The following CNTN5 variants were observed in gnomAD, a reference collection of about 807,000 sequenced individuals.
CNTN5 encodes contactin-5.
A neutral mutation model predicts 129.1 loss-of-function variants in CNTN5; 77 were observed. The ratio of observed to expected loss-of-function variants is 0.60; its 90% CI spans 0.50 to 0.72. CNTN5 has a LOEUF of 0.72. CNTN5 is among the 30% of genes least tolerant of loss of function. The pLI is 0.00. For synonymous variants in CNTN5, 509 were observed against 465.6 expected (o/e 1.09, Z -1.20); for missense variants, 1,478 against 1,328.8 (o/e 1.11, Z -1.75).
intron 3 of CNTN5, among the ~76,000 whole-genome samples, chr11:99,781,995 G>A (rs1232127764): frequency 1.3e-5 from 2 of 151,106 alleles, no homozygotes; most frequent in Admixed American, 1.3e-4. Flanking sequence ...GGCAGGAGAA[G>A]GAAATAAAAG....
rs559211939 is a variant in CNTN5 at position 99,316,731 on chromosome 11, C to CAA, written c.-209-8603_-209-8602dup. 9.9e-3 allele frequency among the ~76,000 whole-genome samples: 1,271 copies of CAA among 128,226 alleles called. 12 individuals are homozygous for CAA. The highest frequency in any genetic ancestry group is 0.031 in the African/African-American group (1,118 of 36,104). The allele number at this position is 128,226 out of a possible 152,430, so 84.1% of individuals were successfully genotyped here. A position where few individuals can be genotyped will look rare whatever the true frequency, so the allele number is the denominator to read the frequency against. On this transcript the variant is annotated intron_variant, in intron 1 of 24. Coordinates refer to ENST00000524871, the MANE Select transcript of CNTN5 (RefSeq NM_014361.4). ...TTGAAATTACTCTTTTGAACTGAGT[C>CAA]AAAAAAAAAAAAAGAAAAAGACCCT...
chr11:99,329,958 A>G (rs756206143), intron 2 of CNTN5, among the ~76,000 whole-genome samples: 48 of 128,146 alleles, frequency 3.7e-4, no homozygotes, highest in Admixed American at 1.1e-3. Flanking sequence ...CACACACACA[A>G]TCCCTTATAT....
chr11:100,045,677 C>A (rs1942629411), intron 9 of CNTN5, among the ~76,000 whole-genome samples: 1 of 148,576 alleles, frequency 6.7e-6, no homozygotes. Flanking sequence ...GGTGGGAAAA[C>A]ACATACTGAC....
chr11:99,342,966 CA>C (rs1020278660), intron 2 of CNTN5, among the ~76,000 whole-genome samples: 2 of 151,678 alleles, frequency 1.3e-5, no homozygotes, highest in African/African-American at 4.8e-5. Flanking sequence ...ATATACAAAA[CA>C]AAAAACAAAA....
chr11:99,103,300 T>A (rs1281167719), intron 1 of CNTN5, among the ~76,000 whole-genome samples: 1 of 152,204 alleles, frequency 6.6e-6, no homozygotes, highest in East Asian at 1.9e-4. Flanking sequence ...GATTATGTTT[T>A]CTTTGTATAA....
At chr11:99,416,499 C>G (rs907677096) in intron 2 of CNTN5, among the ~76,000 whole-genome samples, 2 of 151,998 alleles carry the variant, frequency 1.3e-5, no homozygotes, top group African/African-American at 4.8e-5. Flanking sequence ...GTTACCCAGG[C>G]TGGTCTCAAA....
intron 3 of CNTN5, among the ~76,000 whole-genome samples, chr11:99,781,237 C>T (rs908683039): frequency 2.0e-5 from 3 of 151,856 alleles, no homozygotes; most frequent in Admixed American, 2.0e-4. Flanking sequence ...TGTTGCAGTC[C>T]CCACACAAGG....
intron 3 of CNTN5, among the ~76,000 whole-genome samples, chr11:99,691,703 G>C (rs1369723886): frequency 6.6e-6 from 1 of 152,104 alleles, no homozygotes; most frequent in South Asian, 2.1e-4. Flanking sequence ...GTGCCATGTG[G>C]TGATGAGAAG....
chr11:99,987,237 A>G (rs1315284863), intron 8 of CNTN5, among the ~76,000 whole-genome samples: 1 of 152,196 alleles, frequency 6.6e-6, no homozygotes, highest in Admixed American at 6.5e-5. Context: ...TGAGGATCCA[A>G]AGGGAACAAA....
chr11:99,766,621 A>T (rs565987960), intron 3 of CNTN5, among the ~76,000 whole-genome samples: 3 of 152,072 alleles, frequency 2.0e-5, no homozygotes, highest in East Asian at 3.9e-4. Flanking sequence ...GCCAAACGTC[A>T]TTCCATATTT....
chr11:99,132,562 G>A (rs1858998990), intron 1 of CNTN5, among the ~76,000 whole-genome samples: 1 of 152,074 alleles, frequency 6.6e-6, no homozygotes. Flanking sequence ...AAAGTCTCAG[G>A]ATACACAATC....
intron 1 of CNTN5, among the ~76,000 whole-genome samples, chr11:99,026,940 C>T (rs1863135380): frequency 6.6e-6 from 1 of 151,438 alleles, no homozygotes; most frequent in African/African-American, 2.4e-5. Flanking sequence ...AAAACATTGT[C>T]TTTTAAGATT....
At chr11:99,044,003 C>T (rs1864106845) in intron 1 of CNTN5, among the ~76,000 whole-genome samples, 1 of 152,094 alleles carries the variant, frequency 6.6e-6, no homozygotes, top group Admixed American at 6.6e-5. Context: ...AACTAAATCC[C>T]CATTATGTTC....
At chr11:99,451,319 A>G (rs564030128) in intron 2 of CNTN5, among the ~76,000 whole-genome samples, 12 of 152,294 alleles carry the variant, frequency 7.9e-5, no homozygotes, top group Admixed American at 7.8e-4. Flanking sequence ...GTTACATTAT[A>G]CAAAAGTTAT....
intron 8 of CNTN5, among the ~76,000 whole-genome samples, chr11:99,988,250 G>T (rs1565758754): frequency 6.6e-6 from 1 of 152,212 alleles, no homozygotes; most frequent in Non-Finnish European, 1.5e-5. Flanking sequence ...AAAACAATCT[G>T]TGCAGATTAA....
intron 1 of CNTN5, among the ~76,000 whole-genome samples, chr11:99,121,352 C>T (rs79377045): frequency 0.077 from 11,635 of 152,046 alleles, 520 homozygotes; most frequent in African/African-American, 0.12. Flanking sequence ...CTAGACTGGT[C>T]GAACTCCTGA....
At chr11:100,093,236 C>T (rs1454157819) in intron 13 of CNTN5, among the ~76,000 whole-genome samples, 1 of 151,934 alleles carries the variant, frequency 6.6e-6, no homozygotes, top group African/African-American at 2.4e-5. Context: ...TTCTCTATAC[C>T]ACAGCTAGTG....
intron 1 of CNTN5, among the ~76,000 whole-genome samples, chr11:99,062,872 C>T (rs373533749): frequency 6.6e-6 from 1 of 151,852 alleles, no homozygotes; most frequent in Non-Finnish European, 1.5e-5. Flanking sequence ...TTGTTAAATT[C>T]AGTATTTTAA....
chr11:99,706,198 G>A (rs1433309185), intron 3 of CNTN5, among the ~76,000 whole-genome samples: 2 of 151,372 alleles, frequency 1.3e-5, no homozygotes, highest in Non-Finnish European at 3.0e-5. Flanking sequence ...AGTTGGTTGG[G>A]TTTCACAAGT....
Sources: allele counts gnomAD v4.1 joint callset (sites outside exome capture counted in the v4.1 genomes callset), GRCh38; gene constraint gnomAD v4.1.1; transcripts MANE v1.5; gene names NCBI Gene and HGNC (gene_info 2026-07-23, HGNC 2026-07-21).